The following ACSBG2 variants were observed in gnomAD, a reference collection of about 807,000 sequenced individuals.
ACSBG2 encodes acyl-CoA synthetase bubblegum family member 2.
A neutral mutation model predicts 74.7 loss-of-function variants in ACSBG2; 62 were observed. That is an observed-to-expected ratio of 0.83 (90% CI 0.68 to 1.03). The LOEUF is 1.03. Among genes scored for constraint, ACSBG2 ranks in the 50% least tolerant of loss-of-function variants. The probability of loss-of-function intolerance (pLI) is 0.00; values close to 1 mark genes in which losing one functional copy is unlikely to be tolerated. For synonymous variants in ACSBG2, 309 were observed against 294.1 expected (o/e 1.05, Z -0.52); for missense variants, 730 against 817.6 (o/e 0.89, Z 1.31).
intron 3 of ACSBG2, among the ~76,000 whole-genome samples, chr19:6,151,068 C>T (rs552673743): frequency 1.3e-5 from 2 of 149,106 alleles, no homozygotes; most frequent in South Asian, 2.1e-4. Flanking sequence ...GAGCCGAGAT[C>T]GCACTGCTGG....
intron 6 of ACSBG2, among the ~76,000 whole-genome samples, chr19:6,163,120 C>CAAATAATAA: frequency 9.5e-6 from 1 of 105,690 alleles, no homozygotes; most frequent in Non-Finnish European, 1.9e-5. Flanking sequence ...ACTAAAAATA[C>CAAATAATAA]AAATAATAAT....
At chr19:6,161,326 G>A (rs1444866446) in intron 6 of ACSBG2, 31 bp downstream of exon 6, 3 of 1,598,298 alleles carry the variant, frequency 1.9e-6, no homozygotes, top group Admixed American at 1.7e-5. Flanking sequence ...CTGGGGAAAG[G>A]GGAGGGCGGG....
intron 5 of ACSBG2, among the ~76,000 whole-genome samples, chr19:6,160,379 G>A (rs1219527640): frequency 3.7e-5 from 5 of 135,786 alleles, no homozygotes; most frequent in Non-Finnish European, 7.6e-5. Flanking sequence ...GACTGAGTGA[G>A]ACTCCGTCTC....
At chr19:6,160,107 G>A (rs2145109857) in intron 5 of ACSBG2, among the ~76,000 whole-genome samples, 1 of 152,104 alleles carries the variant, frequency 6.6e-6, no homozygotes, top group South Asian at 2.1e-4. Flanking sequence ...AAATCTCGCA[G>A]GGGCCGGGCG....
chr19:6,166,251 C>CA (rs1300070697), intron 7 of ACSBG2, among the ~76,000 whole-genome samples: 1 of 145,226 alleles, frequency 6.9e-6, no homozygotes, highest in East Asian at 2.0e-4. Flanking sequence ...ACCCAGCAGA[C>CA]AATGATTCCT....
intron 5 of ACSBG2, among the ~76,000 whole-genome samples, chr19:6,158,182 A>G (rs1568229997): frequency 6.6e-6 from 1 of 151,294 alleles, no homozygotes; most frequent in East Asian, 1.9e-4. Context: ...CAGCCTCCCG[A>G]GTAGCTGGGA....
chr19:6,149,367 A>G (rs1236147774), intron 3 of ACSBG2, among the ~76,000 whole-genome samples: 24 of 152,108 alleles, frequency 1.6e-4, no homozygotes, highest in Admixed American at 1.6e-3. Flanking sequence ...CCGTATGACT[A>G]AAAGAGCCAA....
Position 6,151,686 on chromosome 19 carries a change from T to G in ACSBG2, c.298-21T>G, listed in dbSNP as rs1038800926. On this transcript the variant is annotated intron_variant, in intron 3 of 14. Transcript: ENST00000588485. ...TCTCTGTGTTTATGTTTTGTTTTTC[T>G]GTTTGCTTTTTCCTTCCCAGCTGGG... 7 of 1,571,480 alleles carry G rather than the reference T, an allele frequency of 4.5e-6. No individual in the cohort carries two copies. The East Asian group carries it at 6.8e-5, about 15-fold the overall frequency.
At chr19:6,179,674 G>A (rs2090190817) in intron 8 of ACSBG2, among the ~76,000 whole-genome samples, 1 of 152,134 alleles carries the variant, frequency 6.6e-6, no homozygotes, top group Non-Finnish European at 1.5e-5. Context: ...TGCAGTGGCA[G>A]TGGCATGATC....
chr19:6,153,139 G>A (rs984160650), intron 4 of ACSBG2, among the ~76,000 whole-genome samples: 6 of 152,228 alleles, frequency 3.9e-5, no homozygotes, highest in Non-Finnish European at 8.8e-5. Flanking sequence ...CCAGCTACGC[G>A]GGAGGCTGAG....
At chr19:6,158,843 T>G (rs1054032572) in intron 5 of ACSBG2, among the ~76,000 whole-genome samples, 4 of 152,230 alleles carry the variant, frequency 2.6e-5, no homozygotes, top group Non-Finnish European at 4.4e-5. Flanking sequence ...TTCTCCTGCC[T>G]GGCTTCCTTT....
chr19:6,136,609 C>T (rs182732510), intron 1 of ACSBG2, among the ~76,000 whole-genome samples: 110 of 152,346 alleles, frequency 7.2e-4, no homozygotes, highest in Admixed American at 3.6e-3. Context: ...GCGATCCACC[C>T]GACTCAGCCT....
chr19:6,137,837 AG>A (rs1302177764), intron 1 of ACSBG2, among the ~76,000 whole-genome samples: 1 of 152,046 alleles, frequency 6.6e-6, no homozygotes, highest in Non-Finnish European at 1.5e-5. Flanking sequence ...TAGTAGAGAC[AG>A]GGTTTCACCG....
chr19:6,187,471 G>C, intron 12 of ACSBG2, 49 bp downstream of exon 12: 1 of 1,608,604 alleles, frequency 6.2e-7, no homozygotes, highest in East Asian at 2.2e-5. Flanking sequence ...GCCGGTCTTG[G>C]GTTCCCTGGC....
chr19:6,150,456 T>C (rs890212647), intron 3 of ACSBG2, among the ~76,000 whole-genome samples: 3 of 151,730 alleles, frequency 2.0e-5, no homozygotes, highest in African/African-American at 7.3e-5. Context: ...TGTCCATCAA[T>C]GGAAGAATGG....
At position 6,161,214 on chromosome 19, in the gene ACSBG2, G is replaced by A. The variant is rs2089598652; in HGVS notation, c.508-1G>A. The stretch of plus-strand genomic sequence containing the variant: ...GAAGCCCACAGGGAACTTTCTTTCA[G>A]ATTCCACAGAGCAGCCTAGAGCCCC... On this transcript the variant is annotated splice_acceptor_variant, in intron 5 of 14. Transcript: ENST00000588485. LOFTEE classifies it high-confidence loss of function. The A allele has an allele frequency of 6.2e-7, 1 of 1,612,510 alleles. No homozygotes were observed. Among genetic ancestry groups the A allele is most frequent in the South Asian group, 1.1e-5 (1 of 91,030 alleles).
intron 10 of ACSBG2, among the ~76,000 whole-genome samples, chr19:6,184,195 T>C (rs2090335834): frequency 6.6e-6 from 1 of 152,338 alleles, no homozygotes; most frequent in South Asian, 2.1e-4. Context: ...CCCTTTATTA[T>C]TGGTTTGTTG....
chr19:6,163,936 C>T (rs537435623), intron 6 of ACSBG2, among the ~76,000 whole-genome samples: 10 of 152,030 alleles, frequency 6.6e-5, no homozygotes, highest in African/African-American at 2.4e-4. Context: ...GAGCAAGACT[C>T]TTGTCTCAAA....
intron 9 of ACSBG2, 52 bp from the exon 10 acceptor site, chr19:6,182,987 C>G: frequency 6.2e-7 from 1 of 1,612,804 alleles, no homozygotes; most frequent in Non-Finnish European, 8.5e-7. Context: ...GCTCAGCCTT[C>G]TCCAGTGGGT....
Sources: allele counts gnomAD v4.1 joint callset (sites outside exome capture counted in the v4.1 genomes callset), GRCh38; gene constraint gnomAD v4.1.1; transcripts MANE v1.5; gene names NCBI Gene and HGNC (gene_info 2026-07-23, HGNC 2026-07-21).